FHOD3: variants seen among roughly 807,000 people sequenced by gnomAD.
The protein encoded by FHOD3 is FH1/FH2 domain-containing protein 3.
In FHOD3, 90 loss-of-function variants were observed where a neutral mutation model predicts 173.0. The ratio of observed to expected loss-of-function variants is 0.52; its 90% CI spans 0.44 to 0.62. The LOEUF (loss-of-function observed/expected upper bound fraction) is 0.62, where lower values mean the gene tolerates loss of function less well. Ranked by LOEUF, FHOD3 falls within the 20% of genes least tolerant of loss-of-function variation. FHOD3 has a pLI of 0.00. For missense variants in FHOD3, 1,945 were observed against 2,034.7 expected, an observed-to-expected ratio of 0.96 and a Z score of 0.85; for synonymous variants, 828 against 823.0, an observed-to-expected ratio of 1.01 and a Z score of -0.10.
At chr18:36,759,982 T>C (rs1186232814) in intron 26 of FHOD3, among the ~76,000 whole-genome samples, 1 of 152,222 alleles carries the variant, frequency 6.6e-6, no homozygotes, top group Non-Finnish European at 1.5e-5. Flanking sequence ...TGTCTTGTTC[T>C]GTTTTGGGCC....
chr18:36,536,074 G>C (rs1411099415), intron 5 of FHOD3, among the ~76,000 whole-genome samples: 1 of 152,188 alleles, frequency 6.6e-6, no homozygotes, highest in African/African-American at 2.4e-5. Context: ...TCCAAAGTTA[G>C]TGTTTTCTGT....
At chr18:36,537,237 C>T (rs1222444986) in intron 5 of FHOD3, among the ~76,000 whole-genome samples, 1 of 152,242 alleles carries the variant, frequency 6.6e-6, no homozygotes, top group Non-Finnish European at 1.5e-5. Flanking sequence ...TCTTTGCAGA[C>T]ATCCTGTCAC....
intron 3 of FHOD3, among the ~76,000 whole-genome samples, chr18:36,410,633 T>C (rs2049310305): frequency 6.6e-6 from 1 of 152,238 alleles, no homozygotes; most frequent in African/African-American, 2.4e-5. Context: ...TTTCCAGTTT[T>C]TCCACATTCT....
At chr18:36,368,768 C>T (rs2047022041) in intron 2 of FHOD3, among the ~76,000 whole-genome samples, 1 of 152,114 alleles carries the variant, frequency 6.6e-6, no homozygotes, top group African/African-American at 2.4e-5. Flanking sequence ...AAAGGCACAT[C>T]TTACAGGTGG....
intron 9 of FHOD3, among the ~76,000 whole-genome samples, chr18:36,620,170 G>A (rs1022525324): frequency 6.6e-5 from 10 of 152,130 alleles, no homozygotes; most frequent in Admixed American, 3.3e-4. Context: ...TCCATACTCC[G>A]AGGCCTTCGT....
At chr18:36,648,085 C>T (rs1391053188) in intron 10 of FHOD3, among the ~76,000 whole-genome samples, 1 of 151,940 alleles carries the variant, frequency 6.6e-6, no homozygotes, top group African/African-American at 2.4e-5. Context: ...ATGGTGGATC[C>T]GTAAGGACTG....
chr18:36,533,333 T>C (rs1356782158), intron 5 of FHOD3, among the ~76,000 whole-genome samples: 1 of 152,230 alleles, frequency 6.6e-6, no homozygotes, highest in East Asian at 1.9e-4. Flanking sequence ...GTGTCTGCCC[T>C]ACTACTAACA....
chr18:36,699,614 A>G (rs889394498), intron 17 of FHOD3, among the ~76,000 whole-genome samples: 1 of 152,170 alleles, frequency 6.6e-6, no homozygotes, highest in Non-Finnish European at 1.5e-5. Context: ...CAAGATCTTA[A>G]TCACTACTCT....
chr18:36,442,693 A>T (rs1376689532), intron 3 of FHOD3, among the ~76,000 whole-genome samples: 1 of 152,222 alleles, frequency 6.6e-6, no homozygotes, highest in Non-Finnish European at 1.5e-5. Context: ...AAATGTTCAC[A>T]TCTTTTAAAC....
chr18:36,325,414 T>C (rs1431966737), intron 1 of FHOD3, among the ~76,000 whole-genome samples: 1 of 152,210 alleles, frequency 6.6e-6, no homozygotes, highest in African/African-American at 2.4e-5. Context: ...GGAGAGGTGA[T>C]GAGAAAGTCC....
At chr18:36,685,195 G>A (rs2038526402) in intron 15 of FHOD3, among the ~76,000 whole-genome samples, 1 of 152,196 alleles carries the variant, frequency 6.6e-6, no homozygotes, top group African/African-American at 2.4e-5. Flanking sequence ...CAGAGGCCAT[G>A]CTAATAACTG....
At chr18:36,749,150 A>G (rs1006656951) in intron 24 of FHOD3, among the ~76,000 whole-genome samples, 7 of 152,158 alleles carry the variant, frequency 4.6e-5, no homozygotes, top group African/African-American at 1.7e-4. Flanking sequence ...TGGCTAAGAA[A>G]ATTTTGTTTT....
chr18:36,321,375 TG>T (rs2044385388), intron 1 of FHOD3, among the ~76,000 whole-genome samples: 1 of 152,044 alleles, frequency 6.6e-6, no homozygotes, highest in Non-Finnish European at 1.5e-5. Flanking sequence ...GTAATGTGTA[TG>T]GGGGTTGACA....
At chr18:36,779,395 C>G in intron 28 of FHOD3, 53 bp from the exon 29 acceptor site, 11 of 1,563,446 alleles carry the variant, frequency 7.0e-6, no homozygotes, top group African/African-American at 1.4e-5. Context: ...CCTTGCTGCT[C>G]ATACTTCCTT....
chr18:36,511,045 T>C (rs555485970), intron 4 of FHOD3, among the ~76,000 whole-genome samples: 4 of 152,340 alleles, frequency 2.6e-5, no homozygotes, highest in African/African-American at 7.2e-5. Flanking sequence ...ATTATGCCAG[T>C]TCATCTACAT....
At chr18:36,762,871 TATA>T (rs1305532759) in intron 27 of FHOD3, among the ~76,000 whole-genome samples, 12 of 148,076 alleles carry the variant, frequency 8.1e-5, no homozygotes, top group African/African-American at 1.7e-4. Flanking sequence ...ATACATAATA[TATA>T]ATATGTTAAA....
intron 28 of FHOD3, among the ~76,000 whole-genome samples, chr18:36,775,001 TC>T (rs2043561651): frequency 6.6e-6 from 1 of 151,998 alleles, no homozygotes; most frequent in East Asian, 1.9e-4. Context: ...AAAAAGGAAG[TC>T]CTAGGGAGCA....
intron 3 of FHOD3, among the ~76,000 whole-genome samples, chr18:36,398,367 A>G (rs1190061488): frequency 6.6e-6 from 1 of 152,216 alleles, no homozygotes; most frequent in Non-Finnish European, 1.5e-5. Flanking sequence ...CTTTCTAGCA[A>G]TACTTCCTAA....
Position 36,730,408 on chromosome 18 carries a change from A to C in FHOD3, c.3418-238A>C, listed in dbSNP as rs556560543. 4.4e-4 allele frequency among the ~76,000 whole-genome samples: 67 copies of C among 152,234 alleles called. 1 individual carries two copies. Among genetic ancestry groups the C allele is most frequent in the African/African-American group, 1.3e-3 (53 of 41,530 alleles). On this transcript the variant is annotated intron_variant, in intron 19 of 28. Coordinates refer to ENST00000590592, the MANE Select transcript of FHOD3 (RefSeq NM_001281740.3). ...ATCACATTTTCCCAATTGAAGGAAA[A>C]TCCATTTTATTTTTGTATGTGTCTG...
Sources: gnomAD v4.1 joint callset for allele counts (sites outside exome capture counted in the v4.1 genomes callset) on GRCh38, gnomAD v4.1.1 for gene constraint, MANE v1.5 for transcripts, NCBI Gene and HGNC (gene_info 2026-07-23, HGNC 2026-07-21) for gene names.